PLCH1: variants seen among roughly 807,000 people sequenced by gnomAD.
PLCH1 encodes 1-phosphatidylinositol 4,5-bisphosphate phosphodiesterase eta-1.
Under a neutral mutation model 126.7 loss-of-function variants are expected in PLCH1, and 60 were observed. That is an observed-to-expected ratio of 0.47 (90% CI 0.38 to 0.59). The LOEUF is 0.59. PLCH1 is among the 20% of genes least tolerant of loss of function. The pLI is 0.00. For synonymous variants in PLCH1, 719 were observed against 734.9 expected (o/e 0.98, Z 0.35); for missense variants, 1,723 against 2,040.0 (o/e 0.84, Z 2.99).
At chr3:155,540,172 A>T (rs1724041500) in intron 10 of PLCH1, among the ~76,000 whole-genome samples, 1 of 152,224 alleles carries the variant, frequency 6.6e-6, no homozygotes, top group Non-Finnish European at 1.5e-5. Flanking sequence ...TAGTACTGGA[A>T]TATTGGCAAA....
intron 1 of PLCH1, among the ~76,000 whole-genome samples, chr3:155,727,946 A>G (rs1748469476): frequency 6.6e-6 from 1 of 151,880 alleles, no homozygotes; most frequent in Admixed American, 6.6e-5. Flanking sequence ...GCCTTTTGAA[A>G]TCCCAGCTTT....
chr3:155,671,909 C>T (rs765253721), intron 2 of PLCH1, among the ~76,000 whole-genome samples: 6 of 151,946 alleles, frequency 3.9e-5, no homozygotes, highest in Admixed American at 1.3e-4. Context: ...TGGAAAGAGG[C>T]GAAGAAGGCT....
chr3:155,476,920 C>A (rs552689251), downstream of PLCH1, among the ~76,000 whole-genome samples: 161 of 151,356 alleles, frequency 1.1e-3, 1 homozygote, highest in African/African-American at 3.8e-3. Context: ...TATATGGAAC[C>A]ACAAAAGACC....
intron 1 of PLCH1, among the ~76,000 whole-genome samples, chr3:155,730,887 A>G (rs1458340471): frequency 6.6e-6 from 1 of 152,174 alleles, no homozygotes; most frequent in Non-Finnish European, 1.5e-5. Context: ...GGAGGTGAAT[A>G]ATGGACATTG....
At chr3:155,467,301 C>T (rs1011193125) in intron 21 of PLCH1, among the ~76,000 whole-genome samples, 5 of 152,038 alleles carry the variant, frequency 3.3e-5, no homozygotes, top group Admixed American at 6.5e-5. Flanking sequence ...AGACCAGGTG[C>T]GGTGGCTCAC....
intron 2 of PLCH1, among the ~76,000 whole-genome samples, chr3:155,673,947 C>T (rs1015906098): frequency 6.6e-6 from 1 of 152,168 alleles, no homozygotes; most frequent in African/African-American, 2.4e-5. Context: ...CTTATTTGTA[C>T]AACTATACCA....
intron 8 of PLCH1, among the ~76,000 whole-genome samples, chr3:155,562,199 T>C (rs989441946): frequency 2.0e-5 from 3 of 152,178 alleles, no homozygotes; most frequent in African/African-American, 7.2e-5. Context: ...AGCACTGACC[T>C]CCTCCAGGCC....
At chr3:155,715,924 C>T (rs1307826456) in intron 1 of PLCH1, among the ~76,000 whole-genome samples, 1 of 152,054 alleles carries the variant, frequency 6.6e-6, no homozygotes, top group African/African-American at 2.4e-5. Context: ...TTTCTTTGGG[C>T]CTATTTTGCA....
intron 1 of PLCH1, among the ~76,000 whole-genome samples, chr3:155,719,702 G>A (rs923682533): frequency 6.6e-6 from 1 of 150,984 alleles, no homozygotes; most frequent in African/African-American, 2.4e-5. Flanking sequence ...AAAAAAAAAA[G>A]AATAATGTTC....
At chr3:155,596,177 A>G in intron 3 of PLCH1, 55 bp downstream of exon 3, 1 of 1,393,370 alleles carries the variant, frequency 7.2e-7, no homozygotes, top group Non-Finnish European at 1.0e-6. Flanking sequence ...CCCACTCAGT[A>G]TAACCCGTGT....
downstream of PLCH1, among the ~76,000 whole-genome samples, chr3:155,478,091 C>T (rs1042124829): frequency 6.6e-6 from 1 of 152,066 alleles, no homozygotes; most frequent in Non-Finnish European, 1.5e-5. Context: ...TCGTCATTTA[C>T]AACAACATGG....
rs1180401908 is a variant in PLCH1, at chr3:155,627,446, T to C, written c.80-31068A>G. 4.0e-5 allele frequency among the ~76,000 whole-genome samples: 6 copies of C among 149,910 alleles called. No homozygotes were observed. In the East Asian group the frequency reaches 1.0e-3, roughly 25 times the overall value. ...GAGATCGAGACCATCCTGGCTAACA[T>C]GGTGAAACCCCGTCTCTACCAAAAA... On this transcript the variant is annotated intron_variant, in intron 2 of 22. Transcript: ENST00000460012.
At chr3:155,735,645 A>C (rs1749126659) in intron 1 of PLCH1, among the ~76,000 whole-genome samples, 1 of 152,026 alleles carries the variant, frequency 6.6e-6, no homozygotes, top group Admixed American at 6.6e-5. Context: ...AAAAAAAAAA[A>C]AAAACTGATA....
intron 8 of PLCH1, among the ~76,000 whole-genome samples, chr3:155,558,077 G>A (rs1353284129): frequency 6.6e-6 from 1 of 152,224 alleles, no homozygotes; most frequent in Non-Finnish European, 1.5e-5. Context: ...AAGACACTGT[G>A]TACATATCCT....
chr3:155,599,703 A>G (rs903585431), intron 2 of PLCH1, among the ~76,000 whole-genome samples: 2 of 152,220 alleles, frequency 1.3e-5, no homozygotes. Context: ...CTGCCTATGT[A>G]TCTGACACAG....
At chr3:155,526,529 C>T (rs913462219) in intron 10 of PLCH1, among the ~76,000 whole-genome samples, 19 of 148,636 alleles carry the variant, frequency 1.3e-4, no homozygotes, top group Admixed American at 6.7e-4. Flanking sequence ...CACACACACA[C>T]ACTGGTGTCG....
At chr3:155,489,469 T>C (rs1226638212) in intron 19 of PLCH1, among the ~76,000 whole-genome samples, 1 of 152,194 alleles carries the variant, frequency 6.6e-6, no homozygotes, top group African/African-American at 2.4e-5. Flanking sequence ...TCAGTATTTA[T>C]AAGACATTTT....
intron 15 of PLCH1, among the ~76,000 whole-genome samples, chr3:155,495,277 C>T (rs1716870255): frequency 6.6e-6 from 1 of 152,138 alleles, no homozygotes; most frequent in East Asian, 1.9e-4. Flanking sequence ...AGGGGTCAAT[C>T]TAGACTCACA....
In PLCH1 at chr3:155,538,591, C is replaced by G. The variant is rs114447782; in HGVS notation, c.1362+11196G>C. On this transcript the variant is annotated intron_variant, in intron 10 of 22. Coordinates refer to ENST00000460012, the MANE Select transcript of PLCH1 (RefSeq NM_014996.4). ...TATTACAACCGATATCACAGAAATACAAAAGTTCATTCAAGGATACTATGA... is the reference window on the plus strand; with the variant it reads ...TATTACAACCGATATCACAGAAATAGAAAAGTTCATTCAAGGATACTATGA... 5.9e-3 allele frequency among the ~76,000 whole-genome samples: 905 copies of G among 152,114 alleles called. 3 individuals carry two copies. The highest frequency in any genetic ancestry group is 0.01 in the Middle Eastern group (3 of 294).
Sources: allele counts gnomAD v4.1 joint callset (sites outside exome capture counted in the v4.1 genomes callset), GRCh38; gene constraint gnomAD v4.1.1; transcripts MANE v1.5; gene names NCBI Gene and HGNC (gene_info 2026-07-23, HGNC 2026-07-21).